ZNF541: variants seen among roughly 807,000 people sequenced by gnomAD.
ZNF541 encodes the protein zinc finger protein 541.
In ZNF541, 23 loss-of-function variants were observed where a neutral mutation model predicts 123.5. The ratio of observed to expected loss-of-function variants is 0.19; its 90% CI spans 0.13 to 0.26. The LOEUF (loss-of-function observed/expected upper bound fraction) is 0.26. ZNF541 is among the 10% of genes least tolerant of loss of function. ZNF541 has a pLI of 1.00. For synonymous variants in ZNF541, 751 were observed against 754.5 expected (o/e 1.00, Z 0.08); for missense variants, 1,612 against 1,789.9 (o/e 0.90, Z 1.79).
At chr19:47,541,366 A>G (rs533878145) in intron 5 of ZNF541, among the ~76,000 whole-genome samples, 3 of 152,270 alleles carry the variant, frequency 2.0e-5, no homozygotes, top group Non-Finnish European at 2.9e-5. Flanking sequence ...GCAGTGAGCC[A>G]TGATCGTACA....
At chr19:47,538,605 T>A in intron 8 of ZNF541, 166 bp from the exon 9 acceptor site, 2 of 650,756 alleles carry the variant, frequency 3.1e-6, no homozygotes, top group Admixed American at 3.3e-5. Flanking sequence ...CCTGACGTAC[T>A]GAGCCTGGCG....
chr19:47,558,035 AAG>A (rs1970894777), intron 2 of ZNF541, among the ~76,000 whole-genome samples: 1 of 152,128 alleles, frequency 6.6e-6, no homozygotes, highest in South Asian at 2.1e-4. Flanking sequence ...CTGTAGGGAA[AAG>A]AGAGAAAAGA....
At chr19:47,566,777 T>C (rs150984469) in intron 2 of ZNF541, among the ~76,000 whole-genome samples, 4,205 of 150,782 alleles carry the variant, frequency 0.028, 131 homozygotes, top group African/African-American at 0.067. Flanking sequence ...TAAGGCCAGG[T>C]GCGGTGGCTC....
At chr19:47,542,005 A>C (rs1970098960) in intron 5 of ZNF541, among the ~76,000 whole-genome samples, 1 of 152,248 alleles carries the variant, frequency 6.6e-6, no homozygotes, top group South Asian at 2.1e-4. Flanking sequence ...ATGAACAGAC[A>C]AATAAAACGC....
At position 47,544,362 on chromosome 19, in the gene ZNF541, C is replaced by T; in HGVS notation, c.2167G>A (p.Gly723Ser). 1 of 1,551,672 alleles carries T rather than the reference C, an allele frequency of 6.4e-7. No individual in the cohort carries two copies. The highest frequency in any genetic ancestry group is 8.7e-7 in the Non-Finnish European group (1 of 1,147,004). Reference protein sequence around the residue: ...LPGKQAPAENGAASRITKGEK... With the variant: ...LPGKQAPAENSAASRITKGEK... ...CCTTTTGTGATCCTTGAAGCCGCGCCATTCTCGGCTGGGGCCTGCTTCCCT... is the reference window on the plus strand; with the variant it reads ...CCTTTTGTGATCCTTGAAGCCGCGCTATTCTCGGCTGGGGCCTGCTTCCCT... The change falls in exon 5 of 17, where the codon GGC becomes AGC. Residue 723 changes from glycine (G) to serine (S), a missense_variant. By Grantham distance (56) the Gly-to-Ser change is moderately conservative. Transcript: ENST00000391901.
chr19:47,532,998 CAAG>C (rs1969646087), intron 9 of ZNF541, 26 bp from the exon 10 acceptor site: 2 of 1,541,256 alleles, frequency 1.3e-6, no homozygotes, highest in East Asian at 5.0e-5. Flanking sequence ...TGAAAAGGCT[CAAG>C]AAGACAGACA....
intron 14 of ZNF541, among the ~76,000 whole-genome samples, chr19:47,522,317 G>T (rs1969074720): frequency 1.3e-5 from 2 of 152,004 alleles, no homozygotes; most frequent in Non-Finnish European, 2.9e-5. Flanking sequence ...TAATAAATCG[G>T]AATGCTCTCT....
chr19:47,549,064 C>A (rs370998832), intron 4 of ZNF541, among the ~76,000 whole-genome samples, 181 bp downstream of exon 4: 684 of 114,060 alleles, frequency 6.0e-3, no homozygotes, highest in African/African-American at 7.8e-3. Flanking sequence ...GGATGACAGA[C>A]AAAAAAAAAA....
At chr19:47,536,253 C>T (rs1382685328) in intron 9 of ZNF541, among the ~76,000 whole-genome samples, 1 of 152,158 alleles carries the variant, frequency 6.6e-6, no homozygotes, top group Non-Finnish European at 1.5e-5. Context: ...CACAGTGCTG[C>T]AGAGATTTTG....
At chr19:47,523,634 T>C (rs900470818) in intron 14 of ZNF541, among the ~76,000 whole-genome samples, 1 of 152,080 alleles carries the variant, frequency 6.6e-6, no homozygotes, top group South Asian at 2.1e-4. Flanking sequence ...TAAACAATGT[T>C]TGGCAAGACA....
intron 9 of ZNF541, among the ~76,000 whole-genome samples, chr19:47,535,103 C>T (rs1381301322): frequency 6.6e-6 from 1 of 152,070 alleles, no homozygotes. Flanking sequence ...ACAGTGCCTG[C>T]CACCACACCC....
intron 4 of ZNF541, among the ~76,000 whole-genome samples, chr19:47,546,205 G>C (rs925009922): frequency 1.0e-5 from 1 of 97,790 alleles, no homozygotes; most frequent in Non-Finnish European, 1.7e-5. Flanking sequence ...TTACAGAAAA[G>C]TAAAAAAAAA....
intron 2 of ZNF541, among the ~76,000 whole-genome samples, chr19:47,565,956 C>T (rs953894566): frequency 2.6e-5 from 4 of 152,118 alleles, no homozygotes; most frequent in African/African-American, 9.7e-5. Context: ...GTGTGCGGAT[C>T]ACTTGAGGTC....
At position 47,544,820 on chromosome 19, in the gene ZNF541, T is replaced by C. The variant is rs760259756; in HGVS notation, c.1709A>G (p.His570Arg). Residue 570 changes from histidine (H) to arginine (R), a missense_variant, in exon 5 of 17, where the codon CAT becomes CGT. Transcript: ENST00000391901. The part of the protein sequence containing the change: ...MITKSQRIFS[H>R]AQVAAVSSQL... ...GGAGGAGACTGCTGCCACCTGGGCA[T>C]GGGAGAAGATCCGCTGGGACTTGGT... The C allele has an allele frequency of 2.0e-6, 3 of 1,533,410 alleles. No individual in the cohort carries two copies. Among genetic ancestry groups the C allele is most frequent in the East Asian group, 4.9e-5 (2 of 40,842 alleles). 95.0% of individuals were successfully genotyped at this position (1,533,410 alleles called of 1,614,324 possible).
intron 2 of ZNF541, among the ~76,000 whole-genome samples, chr19:47,566,923 T>C (rs937403834): frequency 2.1e-5 from 3 of 141,372 alleles, no homozygotes; most frequent in Non-Finnish European, 4.6e-5. Flanking sequence ...TGGTGGCGGG[T>C]GCCTGTAGTC....
Position 47,545,682 on chromosome 19 carries a change from C to A in ZNF541, c.847G>T (p.Val283Phe), listed in dbSNP as rs776558489. 1 of 1,548,460 alleles carries A rather than the reference C, an allele frequency of 6.5e-7. No individual in the cohort carries two copies. Among genetic ancestry groups the A allele is most frequent in the African/African-American group, 1.4e-5 (1 of 73,082 alleles). The change falls in exon 5 of 17, where the codon GTC becomes TTC. Residue 283 changes from valine to phenylalanine, a missense_variant. Physicochemically the swap from Val to Phe is conservative, Grantham distance 50 (BLOSUM62 -1). Transcript: ENST00000391901. The surrounding 1 kb of genome is among the most constrained non-coding windows in gnomAD (Gnocchi z 7.5). ...CCAGGAGAAGGGGTCTTCTGGTGGA[C>A]GATGCTACTCACGATGCGGCGCAGG... The part of the protein sequence containing the change: ...DLLRRIVSSI[V>F]HQKTPSPGPA...
intron 14 of ZNF541, among the ~76,000 whole-genome samples, chr19:47,524,949 C>T (rs1969216217): frequency 6.6e-6 from 1 of 152,126 alleles, no homozygotes; most frequent in South Asian, 2.1e-4. Context: ...CATAGAGACA[C>T]AGCCCCTGTT....
chr19:47,569,579 C>T (rs1201626327), intron 2 of ZNF541, among the ~76,000 whole-genome samples: 1 of 152,062 alleles, frequency 6.6e-6, no homozygotes, highest in Non-Finnish European at 1.5e-5. Context: ...AGAAAGACTT[C>T]CAGCTGGGCA....
At chr19:47,556,065 A>G (rs560371087) in intron 2 of ZNF541, among the ~76,000 whole-genome samples, 111 bp from the exon 3 acceptor site, 4 of 152,206 alleles carry the variant, frequency 2.6e-5, no homozygotes, top group Non-Finnish European at 4.4e-5. Flanking sequence ...TCTCTGCCTC[A>G]TAACAGCCAT....
Sources: allele counts gnomAD v4.1 joint callset (sites outside exome capture counted in the v4.1 genomes callset), GRCh38; gene constraint gnomAD v4.1.1; non-coding constraint Gnocchi (gnomAD v3.1); transcripts MANE v1.5; gene names NCBI Gene and HGNC (gene_info 2026-07-23, HGNC 2026-07-21).